The following SRRM2 variants were observed in gnomAD, a reference collection of about 807,000 sequenced individuals.
SRRM2 encodes the protein serine/arginine repetitive matrix 2, also known as serine/arginine repetitive matrix protein 2.
In SRRM2, 30 loss-of-function variants were observed where a neutral mutation model predicts 213.8. The ratio of observed to expected loss-of-function variants is 0.14; its 90% CI spans 0.10 to 0.19. The LOEUF is 0.19. Ranked by LOEUF, SRRM2 falls within the 10% of genes least tolerant of loss-of-function variation. The pLI is 1.00. For synonymous variants in SRRM2, 2,025 were observed against 1,377.7 expected, an observed-to-expected ratio of 1.47 and a Z score of -10.40; for missense variants, 4,904 against 3,647.0, an observed-to-expected ratio of 1.34 and a Z score of -8.88.
rs528512460 is a variant in SRRM2, at chr16:2,762,437, A to G, written c.1909A>G (p.Ser637Gly). 1.4e-5 allele frequency: 22 copies of G among 1,613,864 alleles called. No individual in the cohort carries two copies. Among genetic ancestry groups the G allele is most frequent in the Admixed American group, 3.3e-5 (2 of 60,002 alleles). Residue 637 changes from serine (S) to glycine (G), a missense_variant, in exon 11 of 15, where the codon AGT becomes GGT. By Grantham distance (56) the Ser-to-Gly change is moderately conservative. Coordinates refer to ENST00000301740, the MANE Select transcript of SRRM2 (RefSeq NM_016333.4). Reference sequence around the variant, plus strand: ...ATCACCAGTACGACGCAGGTCTCGTAGTAGATCACCAGCCAGGAGAAGTGG... The same window carrying G: ...ATCACCAGTACGACGCAGGTCTCGTGGTAGATCACCAGCCAGGAGAAGTGG... Reference protein sequence around the residue: ...TRSPVRRRSRSRSPARRSGRS... With the variant: ...TRSPVRRRSRGRSPARRSGRS...
At chr16:2,753,886 C>T (rs936787280) in intron 1 of SRRM2, among the ~76,000 whole-genome samples, 1 of 152,154 alleles carries the variant, frequency 6.6e-6, no homozygotes, top group African/African-American at 2.4e-5. Context: ...TTTTTTTCGA[C>T]AACCCTTGTC....
rs370539590 is a variant in SRRM2 at position 2,770,721 on chromosome 16, C to A, written c.8249+4C>A. ...CCATGAGACACCGCTCCTCCAGGTG[C>A]GTGTCCTGGAAGGCTGATGCCCCCT... is the stretch of plus-strand genomic sequence containing the variant. On this transcript the variant is annotated splice_donor_region_variant and intron_variant, in intron 14 of 14. Transcript: ENST00000301740. The A allele has an allele frequency of 1.3e-6, 2 of 1,569,690 alleles. No homozygotes were observed. Among genetic ancestry groups the A allele is most frequent in the Admixed American group, 3.7e-5 (2 of 53,488 alleles).
At chr16:2,760,525 A>G (rs1280025714) in intron 10 of SRRM2, 26 bp downstream of exon 10, 8 of 1,611,776 alleles carry the variant, frequency 5.0e-6, no homozygotes, top group South Asian at 2.2e-5. Flanking sequence ...GGTGATGTTC[A>G]TTGGATTGCA....
rs986705852 is a variant in SRRM2 at position 2,768,190 on chromosome 16, CTCCTCT to C, written c.7663_7668del (p.Ser2555_Ser2556del). The stretch of plus-strand genomic sequence containing the variant: ...CATCATCGTCGTCGTCGTCCTCCTC[CTCCTCT>C]GGCTCCAGTTCTAGTGACTCAGAGG... On this transcript the variant is annotated inframe_deletion, in exon 11 of 15. Coordinates refer to ENST00000301740, the MANE Select transcript of SRRM2 (RefSeq NM_016333.4). 1 of 1,609,240 alleles carries C rather than the reference CTCCTCT, an allele frequency of 6.2e-7. No individual in the cohort carries two copies. The highest frequency in any genetic ancestry group is 8.5e-7 in the Non-Finnish European group (1 of 1,177,296).
chr16:2,752,783 G>A lies in SRRM2; in HGVS notation c.-95G>A. 2.9e-6 allele frequency: 1 copy of A among 348,440 alleles called. No individual in the cohort carries two copies. The highest frequency in any genetic ancestry group is 5.8e-6 in the Non-Finnish European group (1 of 172,950). The allele number at this position is 348,440 out of a possible 1,614,324, so 21.6% of individuals were successfully genotyped here. A position where few individuals can be genotyped will look rare whatever the true frequency, so the allele number is the denominator to read the frequency against. On this transcript the variant is annotated 5_prime_UTR_variant, in exon 1 of 15. Coordinates refer to ENST00000301740, the MANE Select transcript of SRRM2 (RefSeq NM_016333.4). ...CGGCGGCCCCAGGCCCGAGGGACTC[G>A]GGAGCTCGAGCAGCGGCGGCGGCAA...
Position 2,765,956 on chromosome 16 carries a change from G to T in SRRM2, c.5428G>T (p.Val1810Phe). The T allele has an allele frequency of 6.2e-7, 1 of 1,614,100 alleles. No homozygotes were observed. Among genetic ancestry groups the T allele is most frequent in the Non-Finnish European group, 8.5e-7 (1 of 1,180,014 alleles). Residue 1810 changes from valine (V) to phenylalanine (F), a missense_variant, in exon 11 of 15, where the codon GTT (valine) becomes TTT (phenylalanine). Val to Phe is a conservative substitution (Grantham distance 50). Coordinates refer to ENST00000301740, the MANE Select transcript of SRRM2 (RefSeq NM_016333.4). The part of the protein sequence containing the change: ...RRQRSRSRSR[V>F]TRRRRGGSGY... ...ACAGCGGAGCCGGTCAAGGTCGCGG[G>T]TTACTCGGCGGCGGAGGGGAGGCTC...
chr16:2,768,077 C>G lies in SRRM2; in HGVS notation c.7549C>G (p.Gln2517Glu), dbSNP rs576644548. 5.0e-6 allele frequency: 8 copies of G among 1,614,174 alleles called. No individual in the cohort carries two copies. The South Asian group carries it at 5.5e-5, about 11-fold the overall frequency. Reference protein sequence around the residue: ...GEPPASTGAQQPSALAALQPA... With the variant: ...GEPPASTGAQEPSALAALQPA... ...GCCACCTGCCTCTACTGGGGCCCAG[C>G]AGCCTTCTGCATTAGCCGCCCTGCA... The change falls in exon 11 of 15, where the codon CAG (glutamine) becomes GAG (glutamate). Residue 2517 changes from glutamine to glutamate, a missense_variant. Physicochemically the swap from Gln to Glu is conservative, Grantham distance 29 (BLOSUM62 2). Coordinates refer to ENST00000301740, the MANE Select transcript of SRRM2 (RefSeq NM_016333.4).
At position 2,755,944 on chromosome 16, in the gene SRRM2, T is replaced by C. The variant is rs939319626; in HGVS notation, c.-31-390T>C. On this transcript the variant is annotated intron_variant, in intron 1 of 14. Coordinates refer to ENST00000301740, the MANE Select transcript of SRRM2 (RefSeq NM_016333.4). ...TACCAGAGGTTAGGAATTAGAGTAG[T>C]TGGTAAACACACCACTTGTGCATTT... Among the ~76,000 whole-genome samples the C allele has an allele frequency of 2.0e-4, 31 of 152,132 alleles. 1 individual carries two copies. Among genetic ancestry groups the C allele is most frequent in the Admixed American group, 1.6e-3 (24 of 15,276 alleles).
In SRRM2 at chr16:2,768,088, ATTAGCC is replaced by A; in HGVS notation, c.7561_7566del (p.Leu2521_Ala2522del). The A allele has an allele frequency of 1.2e-6, 2 of 1,614,134 alleles. No homozygotes were observed. Among genetic ancestry groups the A allele is most frequent in the Non-Finnish European group, 1.7e-6 (2 of 1,180,020 alleles). ...CTACTGGGGCCCAGCAGCCTTCTGC[ATTAGCC>A]GCCCTGCAGCCAGCAAAGGAGCGGC... On this transcript the variant is annotated inframe_deletion, in exon 11 of 15. Transcript: ENST00000301740.
rs758319615 is a variant in SRRM2, at chr16:2,771,022, T to TC, written c.*156dup. Reference sequence around the variant, plus strand: ...CTCCCTTTCCCTCCCCTTTTTTTTTTCTTTGTTCCTGTGAAATGTTAATCT... The same window carrying TC: ...CTCCCTTTCCCTCCCCTTTTTTTTTTCCTTTGTTCCTGTGAAATGTTAATCT... On this transcript the variant is annotated 3_prime_UTR_variant, in exon 15 of 15. Coordinates refer to ENST00000301740, the MANE Select transcript of SRRM2 (RefSeq NM_016333.4). 1.2e-6 allele frequency: 1 copy of TC among 842,568 alleles called. No homozygotes were observed. Among genetic ancestry groups the TC allele is most frequent in the African/African-American group, 1.7e-5 (1 of 57,552 alleles). 52.2% of individuals were successfully genotyped at this position (842,568 alleles called of 1,614,324 possible).
In SRRM2 at chr16:2,765,454, C is replaced by T. The variant is rs746066075; in HGVS notation, c.4926C>T (p.Ser1642=). 8 of 1,614,156 alleles carry T rather than the reference C, an allele frequency of 5.0e-6. No individual in the cohort carries two copies. Among genetic ancestry groups the T allele is most frequent in the Middle Eastern group, 1.6e-4 (1 of 6,062 alleles). ...LPRRSRSGSS[S]KGRGPSPEGS... ...GACGAAGCAGATCAGGTTCATCAAGCAAAGGCAGAGGCCCTTCTCCTGAAG... is the reference window on the plus strand; with the variant it reads ...GACGAAGCAGATCAGGTTCATCAAGTAAAGGCAGAGGCCCTTCTCCTGAAG... Residue 1642 remains serine, a synonymous_variant, in exon 11 of 15, where the codon AGC becomes AGT. Coordinates refer to ENST00000301740, the MANE Select transcript of SRRM2 (RefSeq NM_016333.4).
chr16:2,763,228 A>G lies in SRRM2; in HGVS notation c.2700A>G (p.Lys900=). ...CAGGGTCCTCTCCTCCTAGAGTGAAATCTAGCACACCTCCCAGACAGAGCC... is the reference window on the plus strand; with the variant it reads ...CAGGGTCCTCTCCTCCTAGAGTGAAGTCTAGCACACCTCCCAGACAGAGCC... ...SCSGSSPPRV[K]SSTPPRQSPS... The change falls in exon 11 of 15, where the codon AAA becomes AAG. Residue 900 remains lysine, a synonymous_variant. Transcript: ENST00000301740. The G allele has an allele frequency of 3.1e-6, 5 of 1,614,100 alleles. No homozygotes were observed. Among genetic ancestry groups the G allele is most frequent in the Middle Eastern group, 1.6e-4 (1 of 6,062 alleles).
At chr16:2,757,445 T>C in intron 2 of SRRM2, 27 bp from the exon 3 acceptor site, 1 of 1,607,754 alleles carries the variant, frequency 6.2e-7, no homozygotes, top group Non-Finnish European at 8.5e-7. Flanking sequence ...CCTGTCGAGC[T>C]TAACCCTGAA....
At chr16:2,769,370 G>T in intron 12 of SRRM2, 86 bp downstream of exon 12, 12 of 1,448,342 alleles carry the variant, frequency 8.3e-6, no homozygotes, top group South Asian at 1.4e-5. Context: ...CTCCCCGCTG[G>T]GTGTCTCACG....
At chr16:2,753,534 C>T (rs1231356625) in intron 1 of SRRM2, 2 of 152,184 alleles carry the variant, frequency 1.3e-5, no homozygotes, top group African/African-American at 4.8e-5. Context: ...GTAGACCGTG[C>T]GTTCCCTTTT....
At position 2,765,041 on chromosome 16, in the gene SRRM2, C is replaced by G; in HGVS notation, c.4513C>G (p.Leu1505Val). The change falls in exon 11 of 15, where the codon CTC becomes GTC. Residue 1505 changes from leucine (L) to valine (V), a missense_variant. Coordinates refer to ENST00000301740, the MANE Select transcript of SRRM2 (RefSeq NM_016333.4). ...PRSRSPSSPELNNKCLTPQRE... is the reference protein window; with the variant it reads ...PRSRSPSSPEVNNKCLTPQRE... The stretch of plus-strand genomic sequence containing the variant: ...GAGTCGTTCTCCATCATCCCCAGAG[C>G]TCAACAACAAGTGTCTTACCCCCCA... 6.2e-7 allele frequency: 1 copy of G among 1,614,038 alleles called. No individual in the cohort carries two copies. Among genetic ancestry groups the G allele is most frequent in the Non-Finnish European group, 8.5e-7 (1 of 1,180,032 alleles).
In SRRM2 at chr16:2,765,783, G is replaced by T. The variant is rs114848780; in HGVS notation, c.5255G>T (p.Arg1752Leu). ...CGACGGCGCTCAGCTTCATCTCCAC[G>T]CACTAAGACAACCTCAAGGAGAGGC... ...SRRRRSASSP[R>L]TKTTSRRGRS... The change falls in exon 11 of 15, where the codon CGC becomes CTC. Residue 1752 changes from arginine (R) to leucine (L), a missense_variant. Physicochemically the swap from Arg to Leu is moderately radical, Grantham distance 102. Coordinates refer to ENST00000301740, the MANE Select transcript of SRRM2 (RefSeq NM_016333.4). 2 of 1,613,856 alleles carry T rather than the reference G, an allele frequency of 1.2e-6. No homozygotes were observed. The highest frequency in any genetic ancestry group is 4.5e-5 in the East Asian group (2 of 44,884).
chr16:2,762,227 C>A lies in SRRM2; in HGVS notation c.1699C>A (p.Pro567Thr), dbSNP rs142349203. The change falls in exon 11 of 15, where the codon CCA becomes ACA. Residue 567 changes from proline (P) to threonine (T), a missense_variant. Physicochemically the swap from Pro to Thr is conservative, Grantham distance 38 (BLOSUM62 -1). Coordinates refer to ENST00000301740, the MANE Select transcript of SRRM2 (RefSeq NM_016333.4). ...ARRGRSHSRS[P>T]ATRGRSRSRT... ...GCGAGGGAGGTCCCACTCTAGATCC[C>A]CAGCCACTAGGGGTAGATCTCGTTC... The A allele has an allele frequency of 6.2e-7, 1 of 1,614,000 alleles. No individual in the cohort carries two copies. Among genetic ancestry groups the A allele is most frequent in the Non-Finnish European group, 8.5e-7 (1 of 1,180,014 alleles).
In SRRM2 at chr16:2,766,857, A is replaced by G. The variant is rs373311748; in HGVS notation, c.6329A>G (p.Asn2110Ser). ...SGSRTPPVAL[N>S]SSRMSCFSRP... ...TCACGGACACCTCCAGTAGCACTCAACAGTTCCAGAATGAGCTGCTTCAGT... is the reference window on the plus strand; with the variant it reads ...TCACGGACACCTCCAGTAGCACTCAGCAGTTCCAGAATGAGCTGCTTCAGT... The change falls in exon 11 of 15, where the codon AAC (asparagine) becomes AGC (serine). Residue 2110 changes from asparagine to serine, a missense_variant. Coordinates refer to ENST00000301740, the MANE Select transcript of SRRM2 (RefSeq NM_016333.4). The surrounding 1 kb of genome is among the most constrained non-coding windows in gnomAD (Gnocchi z 7.0). 3.0e-5 allele frequency: 48 copies of G among 1,613,994 alleles called. No individual in the cohort carries two copies. The highest frequency in any genetic ancestry group is 1.6e-4 in the Middle Eastern group (1 of 6,084).
Sources: gnomAD v4.1 joint callset for allele counts (sites outside exome capture counted in the v4.1 genomes callset) on GRCh38, gnomAD v4.1.1 for gene constraint, Gnocchi (gnomAD v3.1) non-coding constraint, MANE v1.5 for transcripts, NCBI Gene and HGNC (gene_info 2026-07-23, HGNC 2026-07-21) for gene names.